DCLK1: variants seen among roughly 807,000 people sequenced by gnomAD.
DCLK1 encodes doublecortin like kinase 1.
In DCLK1, 16 loss-of-function variants were observed where a neutral mutation model predicts 86.2. That is an observed-to-expected ratio of 0.19 (90% confidence interval 0.13 to 0.28). The LOEUF (loss-of-function observed/expected upper bound fraction) is 0.28. Among genes scored for constraint, DCLK1 ranks in the 10% least tolerant of loss-of-function variants. The pLI, the probability that DCLK1 is intolerant of heterozygous loss-of-function variation, is 1.00. For synonymous variants in DCLK1, 369 were observed against 370.5 expected, an observed-to-expected ratio of 1.00 and a Z score of 0.05; for missense variants, 590 against 940.2, an observed-to-expected ratio of 0.63 and a Z score of 4.87.
chr13:36,122,550 G>T (rs1183069165), intron 2 of DCLK1, among the ~76,000 whole-genome samples: 1 of 152,102 alleles, frequency 6.6e-6, no homozygotes, highest in Non-Finnish European at 1.5e-5. Context: ...AGAGTTCAAA[G>T]GCTTTAAATG....
At chr13:35,954,519 T>C (rs1475209784) in intron 3 of DCLK1, among the ~76,000 whole-genome samples, 2 of 152,200 alleles carry the variant, frequency 1.3e-5, no homozygotes, top group Non-Finnish European at 2.9e-5. Flanking sequence ...GGTTCTAAAA[T>C]ATGTTTACAA....
intron 15 of DCLK1, among the ~76,000 whole-genome samples, chr13:35,798,870 T>C (rs2086863302): frequency 6.6e-6 from 1 of 152,248 alleles, no homozygotes. Context: ...CAACATGGAA[T>C]ATCTTGGGAG....
At chr13:36,041,062 T>C (rs1053431125) in intron 3 of DCLK1, among the ~76,000 whole-genome samples, 1 of 152,148 alleles carries the variant, frequency 6.6e-6, no homozygotes, top group Non-Finnish European at 1.5e-5. Flanking sequence ...TCCCTTTCAT[T>C]GGAGAATGGT....
At chr13:35,822,944 T>C (rs577262974) in intron 10 of DCLK1, 69 bp from the exon 11 acceptor site, 194 of 1,558,056 alleles carry the variant, frequency 1.2e-4, no homozygotes, top group Middle Eastern at 2.2e-4. Context: ...GCAGAGGCCA[T>C]TGACAAACCC....
At chr13:35,975,030 GA>G (rs1329667545) in intron 3 of DCLK1, among the ~76,000 whole-genome samples, 2 of 152,130 alleles carry the variant, frequency 1.3e-5, no homozygotes, top group Non-Finnish European at 2.9e-5. Flanking sequence ...AGTGTGCTGT[GA>G]AAAAAGTGAG....
At chr13:36,062,304 A>G (rs951769076) in intron 3 of DCLK1, among the ~76,000 whole-genome samples, 1 of 152,146 alleles carries the variant, frequency 6.6e-6, no homozygotes, top group African/African-American at 2.4e-5. Context: ...CCTTTGTCCA[A>G]GCCTCCTGAA....
At chr13:36,067,723 T>C (rs1883813517) in intron 3 of DCLK1, among the ~76,000 whole-genome samples, 1 of 152,112 alleles carries the variant, frequency 6.6e-6, no homozygotes. Flanking sequence ...AGGACAATCA[T>C]GCTGCCACTG....
intron 16 of DCLK1, among the ~76,000 whole-genome samples, chr13:35,793,006 T>C (rs894597335): frequency 2.6e-5 from 4 of 152,186 alleles, no homozygotes; most frequent in Non-Finnish European, 5.9e-5. Context: ...CAGCTTGCCT[T>C]TCCTTTCTAG....
intron 5 of DCLK1, 62 bp from the exon 6 acceptor site, chr13:35,854,655 T>C: frequency 7.1e-7 from 1 of 1,410,282 alleles, no homozygotes; most frequent in Non-Finnish European, 9.7e-7. Flanking sequence ...TCATGACAAA[T>C]CATCTTCTGC....
At chr13:35,831,662 C>T (rs1414282882) in intron 8 of DCLK1, among the ~76,000 whole-genome samples, 3 of 151,960 alleles carry the variant, frequency 2.0e-5, no homozygotes, top group African/African-American at 4.8e-5. Flanking sequence ...GAATACAGGC[C>T]GTTTGCTTGC....
intron 4 of DCLK1, among the ~76,000 whole-genome samples, chr13:35,934,278 C>A (rs1034415024): frequency 2.0e-5 from 3 of 152,214 alleles, no homozygotes; most frequent in Non-Finnish European, 2.9e-5. Context: ...AATTTCAAAG[C>A]TGCTTCCACA....
rs1229745812 is a variant in DCLK1 at position 35,774,478 on chromosome 13, G to GA, written c.*56dup. ...GAAACTGTTTTACACAAATTTGGGG[G>GA]AAAAAAATCTCAGAGTCTCAAAGGG... On this transcript the variant is annotated 3_prime_UTR_variant, in exon 17 of 17. Transcript: ENST00000360631. 75 of 1,538,372 alleles carry GA rather than the reference G, an allele frequency of 4.9e-5. No homozygotes were observed. Among genetic ancestry groups the GA allele is most frequent in the Middle Eastern group, 3.4e-4 (2 of 5,902 alleles).
At chr13:35,896,846 G>A (rs1874029376) in intron 4 of DCLK1, among the ~76,000 whole-genome samples, 1 of 152,134 alleles carries the variant, frequency 6.6e-6, no homozygotes, top group African/African-American at 2.4e-5. Context: ...GGTGTGTGGA[G>A]GGGGCTCTAG....
At chr13:35,987,052 A>G (rs1231077860) in intron 3 of DCLK1, among the ~76,000 whole-genome samples, 1 of 152,032 alleles carries the variant, frequency 6.6e-6, no homozygotes, top group African/African-American at 2.4e-5. Flanking sequence ...TATTTAAATT[A>G]CCTCCCCTTC....
At position 35,810,957 on chromosome 13, in the gene DCLK1, G is replaced by A. The variant is rs764452655; in HGVS notation, c.1566C>T (p.His522=). The A allele has an allele frequency of 5.6e-6, 9 of 1,613,824 alleles. No individual in the cohort carries two copies. In the African/African-American group the frequency reaches 6.7e-5, roughly 12 times the overall value. The change falls in exon 12 of 17, where the codon CAC becomes CAT. Residue 522 remains histidine (H), a synonymous_variant. Coordinates refer to ENST00000360631, the MANE Select transcript of DCLK1 (RefSeq NM_001330071.2). ...GCTTCAGTGATTTGCTGCCATCTTGGTGCTCATACACCTAAAACAAAGGTA... is the reference window on the plus strand; with the variant it reads ...GCTTCAGTGATTTGCTGCCATCTTGATGCTCATACACCTAAAACAAAGGTA... ...IKPENLLVYE[H]QDGSKSLKLG... is the part of the protein sequence containing the mutation.
At chr13:36,007,500 T>C (rs557659570) in intron 3 of DCLK1, among the ~76,000 whole-genome samples, 2 of 152,278 alleles carry the variant, frequency 1.3e-5, no homozygotes, top group South Asian at 2.1e-4. Flanking sequence ...CAAAATATCT[T>C]GGGGTTGTGA....
chr13:35,875,962 T>C (rs188511742), intron 4 of DCLK1, among the ~76,000 whole-genome samples: 2 of 152,216 alleles, frequency 1.3e-5, no homozygotes, highest in Non-Finnish European at 2.9e-5. Context: ...ACCCCCAGTA[T>C]CTGATGCTGT....
chr13:35,956,022 C>T (rs1877958658), intron 3 of DCLK1, among the ~76,000 whole-genome samples: 2 of 152,292 alleles, frequency 1.3e-5, no homozygotes, highest in South Asian at 4.1e-4. Flanking sequence ...CAGTCCTATT[C>T]CTCTGGTTTC....
intron 2 of DCLK1, among the ~76,000 whole-genome samples, chr13:36,118,964 T>C (rs1157098626): frequency 6.6e-6 from 1 of 152,142 alleles, no homozygotes; most frequent in Admixed American, 6.5e-5. Context: ...ATCCCATTCA[T>C]AAAAGCTCCA....
Sources: allele counts gnomAD v4.1 joint callset (sites outside exome capture counted in the v4.1 genomes callset), GRCh38; gene constraint gnomAD v4.1.1; transcripts MANE v1.5; gene names NCBI Gene and HGNC (gene_info 2026-07-23, HGNC 2026-07-21).